Variants in IMMP2L observed in about 807,000 individuals in gnomAD.
IMMP2L encodes mitochondrial inner membrane protease subunit 2.
IMMP2L carries 18 observed loss-of-function variants against 19.3 expected under a neutral mutation model. That is an observed-to-expected ratio of 0.93 (90% CI 0.64 to 1.38). The LOEUF is 1.38. IMMP2L is among the 40% of genes most tolerant of loss of function. The probability of loss-of-function intolerance (pLI) is 0.00; values close to 1 mark genes in which losing one functional copy is unlikely to be tolerated. For missense variants in IMMP2L, 233 were observed against 218.2 expected (o/e 1.07, Z -0.43); for synonymous variants, 76 against 73.0 (o/e 1.04, Z -0.21).
At chr7:110,961,043 G>A (rs1473303285) in intron 4 of IMMP2L, among the ~76,000 whole-genome samples, 1 of 151,766 alleles carries the variant, frequency 6.6e-6, no homozygotes, top group African/African-American at 2.4e-5. Context: ...ACCAAGTGCT[G>A]GCAAGGATGC....
At chr7:111,464,004 C>T (rs182543429) in intron 3 of IMMP2L, among the ~76,000 whole-genome samples, 2 of 152,258 alleles carry the variant, frequency 1.3e-5, no homozygotes, top group African/African-American at 4.8e-5. Context: ...TACTGTTTTG[C>T]TCCTTTCCTC....
intron 5 of IMMP2L, among the ~76,000 whole-genome samples, chr7:110,812,225 A>C (rs1802092403): frequency 6.6e-6 from 1 of 152,052 alleles, no homozygotes; most frequent in South Asian, 2.1e-4. Flanking sequence ...CTAAATTCTT[A>C]ATCTCTGTAT....
At chr7:111,000,044 T>C (rs757149440) in intron 3 of IMMP2L, among the ~76,000 whole-genome samples, 13 of 152,182 alleles carry the variant, frequency 8.5e-5, no homozygotes, top group Non-Finnish European at 1.8e-4. Flanking sequence ...GGATCCATTC[T>C]GATTTTGTAT....
chr7:111,166,897 A>C (rs80269365), intron 3 of IMMP2L, among the ~76,000 whole-genome samples: 1 of 151,820 alleles, frequency 6.6e-6, no homozygotes, highest in South Asian at 2.1e-4. Flanking sequence ...TTTAGAGCCC[A>C]CCTGGATAAT....
intron 3 of IMMP2L, among the ~76,000 whole-genome samples, chr7:111,422,770 G>T (rs904638332): frequency 6.6e-6 from 1 of 151,848 alleles, no homozygotes; most frequent in Non-Finnish European, 1.5e-5. Context: ...TAGGAGTGGT[G>T]AGAGAGGGCA....
At chr7:111,283,903 GGAGCTTGCAGT>G (rs1339581645) in intron 3 of IMMP2L, among the ~76,000 whole-genome samples, 6 of 147,456 alleles carry the variant, frequency 4.1e-5, no homozygotes, top group Admixed American at 3.4e-4. Context: ...CCCGGGAGGC[GGAGCTTGCAGT>G]GAGCCGAGAT....
intron 3 of IMMP2L, among the ~76,000 whole-genome samples, chr7:111,420,806 A>G (rs1161402437): frequency 6.6e-6 from 1 of 151,724 alleles, no homozygotes; most frequent in Admixed American, 6.6e-5. Context: ...CAGTCTATCA[A>G]TGATGGACAT....
intron 4 of IMMP2L, among the ~76,000 whole-genome samples, chr7:110,909,682 C>G (rs1408224664): frequency 6.6e-6 from 1 of 152,158 alleles, no homozygotes; most frequent in Non-Finnish European, 1.5e-5. Context: ...CACTTTCAGG[C>G]CCTCTTGAGT....
chr7:111,016,598 CT>C (rs1441563936), intron 3 of IMMP2L, among the ~76,000 whole-genome samples: 9 of 106,580 alleles, frequency 8.4e-5, no homozygotes, highest in Admixed American at 2.6e-4. Context: ...TATATATGTA[CT>C]ATATATTATA....
intron 3 of IMMP2L, among the ~76,000 whole-genome samples, chr7:111,207,534 G>GTTTTTTTTTTTTTTTTTT (rs376864629): frequency 2.2e-5 from 2 of 90,100 alleles, no homozygotes; most frequent in Non-Finnish European, 4.1e-5. Context: ...TTTATTTTTG[G>GTTTTTTTTTTTTTTTTTT]TTTTTTTTTT....
intron 5 of IMMP2L, among the ~76,000 whole-genome samples, chr7:110,864,771 A>C (rs1807816063): frequency 6.6e-6 from 1 of 152,080 alleles, no homozygotes; most frequent in African/African-American, 2.4e-5. Flanking sequence ...CCAATGAACC[A>C]ATTAAAATTG....
chr7:111,009,340 G>T lies in IMMP2L; in HGVS notation c.240-45775C>A, dbSNP rs143725040. On this transcript the variant is annotated intron_variant, in intron 3 of 5. Coordinates refer to ENST00000405709, the MANE Select transcript of IMMP2L (RefSeq NM_032549.4). ...ACTATATTAGTAAGCCAAATTAATTGTGGATTCAGTTCAGAACATATATGC... is the reference window on the plus strand; with the variant it reads ...ACTATATTAGTAAGCCAAATTAATTTTGGATTCAGTTCAGAACATATATGC... Among the ~76,000 whole-genome samples, 268 of 152,164 alleles carry T rather than the reference G, an allele frequency of 1.8e-3. 1 individual carries two copies. The highest frequency in any genetic ancestry group is 5.3e-3 in the African/African-American group (220 of 41,542).
chr7:110,940,649 A>C (rs1816645203), intron 4 of IMMP2L, among the ~76,000 whole-genome samples: 1 of 152,162 alleles, frequency 6.6e-6, no homozygotes, highest in South Asian at 2.1e-4. Flanking sequence ...CTATAACGTG[A>C]GTGCGAATGA....
intron 3 of IMMP2L, among the ~76,000 whole-genome samples, chr7:111,050,626 G>A (rs1006639495): frequency 4.6e-5 from 7 of 152,122 alleles, no homozygotes; most frequent in East Asian, 1.9e-4. Context: ...ATTATCTACC[G>A]TGTGTGGATT....
At chr7:111,373,115 G>A (rs1025803477) in intron 3 of IMMP2L, among the ~76,000 whole-genome samples, 2 of 150,866 alleles carry the variant, frequency 1.3e-5, no homozygotes, top group East Asian at 3.9e-4. Flanking sequence ...GTAGCATTAA[G>A]TGGTGAAAAA....
intron 3 of IMMP2L, among the ~76,000 whole-genome samples, chr7:111,120,645 T>C (rs1459050514): frequency 6.6e-6 from 1 of 152,208 alleles, no homozygotes; most frequent in Non-Finnish European, 1.5e-5. Context: ...ATGTTAATCT[T>C]GTGAACTTTA....
chr7:111,549,137 A>G (rs185035376), intron 1 of IMMP2L, among the ~76,000 whole-genome samples: 3 of 152,268 alleles, frequency 2.0e-5, no homozygotes, highest in Admixed American at 2.0e-4. Context: ...TCTTTTTGGC[A>G]GTATTGACTT....
chr7:110,928,868 C>T (rs1449674412), intron 4 of IMMP2L, among the ~76,000 whole-genome samples: 2 of 152,128 alleles, frequency 1.3e-5, no homozygotes, highest in African/African-American at 4.8e-5. Flanking sequence ...GAGGTAGCCA[C>T]TACAGAATCT....
At chr7:111,377,328 T>C (rs997404294) in intron 3 of IMMP2L, among the ~76,000 whole-genome samples, 2 of 152,010 alleles carry the variant, frequency 1.3e-5, no homozygotes, top group African/African-American at 2.4e-5. Context: ...TACAGCTCTA[T>C]AGTATAGTAT....
Sources: allele counts gnomAD v4.1 joint callset (sites outside exome capture counted in the v4.1 genomes callset), GRCh38; gene constraint gnomAD v4.1.1; transcripts MANE v1.5; gene names NCBI Gene and HGNC (gene_info 2026-07-23, HGNC 2026-07-21).